Variants in RERG observed in about 807,000 individuals in gnomAD.
RERG encodes RAS like estrogen regulated growth inhibitor.
In RERG, 25 loss-of-function variants were observed where a neutral mutation model predicts 23.2. That is an observed-to-expected ratio of 1.08 (90% CI 0.79 to 1.50). The LOEUF is 1.50. Among genes scored for constraint, RERG ranks in the 40% most tolerant of loss-of-function variants. The probability of loss-of-function intolerance (pLI) is 0.00; values close to 1 mark genes in which losing one functional copy is unlikely to be tolerated. For synonymous variants in RERG, 81 were observed against 89.1 expected, an observed-to-expected ratio of 0.91 and a Z score of 0.51; for missense variants, 253 against 250.1, an observed-to-expected ratio of 1.01 and a Z score of -0.08.
chr12:15,180,837 A>G (rs180819465), intron 2 of RERG, among the ~76,000 whole-genome samples: 72 of 152,254 alleles, frequency 4.7e-4, no homozygotes, highest in Admixed American at 4.6e-3. Context: ...GAATTTTTCC[A>G]ATACTCTTGC....
intron 2 of RERG, among the ~76,000 whole-genome samples, chr12:15,124,969 A>G (rs1384732039): frequency 6.6e-6 from 1 of 151,986 alleles, no homozygotes; most frequent in African/African-American, 2.4e-5. Flanking sequence ...AAGACCCTTG[A>G]TATTTAATAT....
chr12:15,198,073 C>G (rs1865168361), intron 2 of RERG, among the ~76,000 whole-genome samples: 1 of 152,160 alleles, frequency 6.6e-6, no homozygotes, highest in Admixed American at 6.5e-5. Context: ...GGCCTGGCCA[C>G]TCTACGCTTG....
At chr12:15,113,474 A>C (rs1863661687) in intron 3 of RERG, among the ~76,000 whole-genome samples, 3 of 152,102 alleles carry the variant, frequency 2.0e-5, no homozygotes, top group African/African-American at 7.2e-5. Flanking sequence ...CTGAAATAAA[A>C]ATAAAATAAT....
chr12:15,133,541 T>C (rs1461901366), intron 2 of RERG, among the ~76,000 whole-genome samples: 1 of 152,136 alleles, frequency 6.6e-6, no homozygotes, highest in Non-Finnish European at 1.5e-5. Flanking sequence ...TGAATAAAAG[T>C]TCTACAAATA....
chr12:15,131,205 C>G (rs1255652396), intron 2 of RERG, among the ~76,000 whole-genome samples: 1 of 151,978 alleles, frequency 6.6e-6, no homozygotes, highest in Non-Finnish European at 1.5e-5. Context: ...TGGTAATCAA[C>G]TAATTTGGCT....
intron 2 of RERG, chr12:15,152,199 A>G (rs1864454612): frequency 6.6e-6 from 1 of 152,222 alleles, no homozygotes; most frequent in Non-Finnish European, 1.5e-5. Context: ...GGCAGAAAGG[A>G]AAGCAGAACA....
intron 2 of RERG, among the ~76,000 whole-genome samples, chr12:15,129,257 G>C (rs1380783560): frequency 1.3e-5 from 2 of 150,306 alleles, no homozygotes; most frequent in East Asian, 3.9e-4. Context: ...ATGGAAATGA[G>C]CTGGATTGGA....
chr12:15,114,509 G>A (rs2136084239), intron 3 of RERG: 1 of 152,242 alleles, frequency 6.6e-6, no homozygotes, highest in East Asian at 1.9e-4. Context: ...ACTTACCAGA[G>A]AGAAGCTTAT....
At chr12:15,158,074 G>T (rs1864549218) in intron 2 of RERG, among the ~76,000 whole-genome samples, 1 of 152,034 alleles carries the variant, frequency 6.6e-6, no homozygotes. Flanking sequence ...GATAACAAAA[G>T]TATAATTATC....
chr12:15,218,557 G>C (rs535982311), intron 1 of RERG, among the ~76,000 whole-genome samples: 2 of 152,132 alleles, frequency 1.3e-5, no homozygotes, highest in South Asian at 4.1e-4. Context: ...ACTTCTGAAA[G>C]CTGCTTCATT....
intron 3 of RERG, among the ~76,000 whole-genome samples, chr12:15,115,470 G>A (rs2087581642): frequency 6.6e-6 from 1 of 152,100 alleles, no homozygotes; most frequent in African/African-American, 2.4e-5. Flanking sequence ...GGCAGTGGGT[G>A]TCAAAATAAG....
In RERG at chr12:15,109,158, C is replaced by A. The variant is rs1479750918; in HGVS notation, c.552G>T (p.Thr184=). 6.2e-7 allele frequency: 1 copy of A among 1,606,190 alleles called. No homozygotes were observed. The highest frequency in any genetic ancestry group is 8.5e-7 in the Non-Finnish European group (1 of 1,176,684). The change falls in exon 5 of 5, where the codon ACG becomes ACT. Residue 184 remains threonine (T), a synonymous_variant. Transcript: ENST00000256953. The part of the protein sequence containing the change: ...QGKTRRRSST[T]HVKQAINKML... ...TCTTGTTAATGGCTTGCTTGACATG[C>A]GTGGTGGAGCTGCGTCGCCTCGTCT... is the stretch of plus-strand genomic sequence containing the variant.
chr12:15,149,700 T>G (rs1413280147), intron 2 of RERG, among the ~76,000 whole-genome samples: 1 of 152,234 alleles, frequency 6.6e-6, no homozygotes, highest in African/African-American at 2.4e-5. Context: ...TAGATGATTC[T>G]TAGGTTAATA....
At chr12:15,166,520 G>A (rs1408382260) in intron 2 of RERG, among the ~76,000 whole-genome samples, 1 of 151,184 alleles carries the variant, frequency 6.6e-6, no homozygotes, top group East Asian at 1.9e-4. Context: ...GGTGATGGTG[G>A]TGATGGTGGT....
chr12:15,179,419 C>T (rs759529), intron 2 of RERG, among the ~76,000 whole-genome samples: 70,932 of 152,000 alleles, frequency 0.47, 17,421 homozygotes, highest in African/African-American at 0.63. Context: ...TGCATTAAGG[C>T]TGTTGCCATC....
chr12:15,216,575 T>C (rs556767962), intron 2 of RERG, among the ~76,000 whole-genome samples: 46 of 152,312 alleles, frequency 3.0e-4, no homozygotes, highest in African/African-American at 1.1e-3. Context: ...CTACCAGATA[T>C]CTGTTTGAGT....
intron 3 of RERG, among the ~76,000 whole-genome samples, chr12:15,117,205 G>C (rs186824696): frequency 6.8e-6 from 1 of 147,376 alleles, no homozygotes. Flanking sequence ...AGTAACAGCA[G>C]CAGTTAGTTA....
At chr12:15,109,700 C>G (rs1340399020) in intron 4 of RERG, among the ~76,000 whole-genome samples, 183 bp from the exon 5 acceptor site, 1 of 152,142 alleles carries the variant, frequency 6.6e-6, no homozygotes, top group African/African-American at 2.4e-5. Flanking sequence ...TTATCCATCT[C>G]AACATATTTC....
chr12:15,161,341 G>T (rs1018793085), intron 2 of RERG, among the ~76,000 whole-genome samples: 45 of 152,250 alleles, frequency 3.0e-4, no homozygotes, highest in African/African-American at 1.1e-3. Flanking sequence ...GAAAACATCA[G>T]TCAACAAGTG....
Sources: allele counts gnomAD v4.1 joint callset (sites outside exome capture counted in the v4.1 genomes callset), GRCh38; gene constraint gnomAD v4.1.1; transcripts MANE v1.5; gene names NCBI Gene and HGNC (gene_info 2026-07-23, HGNC 2026-07-21).